Variants in DNASE1L3 observed in about 807,000 individuals in gnomAD.
DNASE1L3 encodes deoxyribonuclease gamma.
In DNASE1L3, 27 loss-of-function variants were observed where a neutral mutation model predicts 30.9. That is an observed-to-expected ratio of 0.87 (90% CI 0.64 to 1.20). The LOEUF (loss-of-function observed/expected upper bound fraction) is 1.20, where lower values mean the gene tolerates loss of function less well. DNASE1L3 is among the 50% of genes most tolerant of loss of function. DNASE1L3 has a pLI of 0.00. For missense variants in DNASE1L3, 364 were observed against 378.2 expected (o/e 0.96, Z 0.31); for synonymous variants, 135 against 138.0 (o/e 0.98, Z 0.15).
At position 58,200,959 on chromosome 3, in the gene DNASE1L3, C is replaced by T; in HGVS notation, c.546+38G>A. Reference sequence around the variant, plus strand: ...CCCACTCAGGGACCAGAGCCTGCCCCTGCTAGATGGGAATTCGTCTGACAC... The same window carrying T: ...CCCACTCAGGGACCAGAGCCTGCCCTTGCTAGATGGGAATTCGTCTGACAC... On this transcript the variant is annotated intron_variant, in intron 5 of 7. Coordinates refer to ENST00000394549, the MANE Select transcript of DNASE1L3 (RefSeq NM_004944.4). The surrounding 1 kb of genome is among the most constrained non-coding windows in gnomAD (Gnocchi z 4.2). 1.3e-6 allele frequency: 2 copies of T among 1,572,800 alleles called. No homozygotes were observed. Among genetic ancestry groups the T allele is most frequent in the Non-Finnish European group, 1.7e-6 (2 of 1,147,488 alleles).
chr3:58,208,321 A>G lies in DNASE1L3; in HGVS notation c.142-15T>C, dbSNP rs757207791. On this transcript the variant is annotated splice_polypyrimidine_tract_variant and intron_variant, in intron 1 of 7. Coordinates refer to ENST00000394549, the MANE Select transcript of DNASE1L3 (RefSeq NM_004944.4). Reference sequence around the variant, plus strand: ...CGTTTGATGACCTGCAAGAAAGAGAATTCCCAGGGGTTTGAGGTCATTTAC... The same window carrying G: ...CGTTTGATGACCTGCAAGAAAGAGAGTTCCCAGGGGTTTGAGGTCATTTAC... 3.1e-6 allele frequency: 5 copies of G among 1,614,054 alleles called. No homozygotes were observed. In the Admixed American group the frequency reaches 8.3e-5, roughly 27 times the overall value.
intron 4 of DNASE1L3, among the ~76,000 whole-genome samples, chr3:58,202,635 C>T (rs937330930): frequency 6.6e-6 from 1 of 151,868 alleles, no homozygotes; most frequent in Non-Finnish European, 1.5e-5. Context: ...TGATGGATCA[C>T]CTGAGGTCGG....
chr3:58,195,668 C>A (rs1233601821), intron 6 of DNASE1L3, among the ~76,000 whole-genome samples: 1 of 143,044 alleles, frequency 7.0e-6, no homozygotes, highest in African/African-American at 2.6e-5. Context: ...TGCCTGTAAT[C>A]CCAGCTACTT....
intron 2 of DNASE1L3, among the ~76,000 whole-genome samples, chr3:58,207,454 C>CA (rs1404118473): frequency 7.7e-4 from 22 of 28,518 alleles, no homozygotes; most frequent in Admixed American, 3.4e-4. Flanking sequence ...CCCCCCCCCC[C>CA]CACCAGAAGT....
Position 58,204,761 on chromosome 3 carries a change from G to T in DNASE1L3, c.433+8C>A. The T allele has an allele frequency of 6.2e-7, 1 of 1,613,314 alleles. No homozygotes were observed. Among genetic ancestry groups the T allele is most frequent in the Non-Finnish European group, 8.5e-7 (1 of 1,179,336 alleles). On this transcript the variant is annotated splice_region_variant and intron_variant, in intron 4 of 7. Transcript: ENST00000394549. The stretch of plus-strand genomic sequence containing the variant: ...GGTCCCAGACAGAAAGGCCTGTGTG[G>T]GTCTTACCAGTGTGGGGAGATTGGA...
At chr3:58,195,302 T>C (rs1019550403) in intron 6 of DNASE1L3, among the ~76,000 whole-genome samples, 1 of 152,220 alleles carries the variant, frequency 6.6e-6, no homozygotes, top group Non-Finnish European at 1.5e-5. Flanking sequence ...TTTTATTGTA[T>C]TGAGACAGGT....
intron 5 of DNASE1L3, among the ~76,000 whole-genome samples, chr3:58,198,330 T>C (rs1375621724): frequency 6.6e-6 from 1 of 152,156 alleles, no homozygotes; most frequent in East Asian, 1.9e-4. Context: ...TGGAAGAAGA[T>C]GGCCGTCTAC....
chr3:58,200,458 A>T lies in DNASE1L3; in HGVS notation c.546+539T>A, dbSNP rs112155219. ...AAAGGGCAACCAGGAGATAGAAAGG[A>T]AGAGACAAATCAAGCTCTGATTACC... On this transcript the variant is annotated intron_variant, in intron 5 of 7. Coordinates refer to ENST00000394549, the MANE Select transcript of DNASE1L3 (RefSeq NM_004944.4). This position sits in a 1 kb window ranked among gnomAD's most constrained non-coding sequence, Gnocchi z 4.2. Among the ~76,000 whole-genome samples, 577 of 152,312 alleles carry T rather than the reference A, an allele frequency of 3.8e-3. 6 individuals are homozygous for T. The highest frequency in any genetic ancestry group is 0.013 in the African/African-American group (551 of 41,564).
chr3:58,209,023 T>C (rs904594896), intron 1 of DNASE1L3, among the ~76,000 whole-genome samples: 2 of 152,302 alleles, frequency 1.3e-5, no homozygotes, highest in Admixed American at 6.5e-5. Flanking sequence ...GCAGATCACC[T>C]GAGGTCAGGA....
At chr3:58,210,072 G>C (rs1273182918) in intron 1 of DNASE1L3, among the ~76,000 whole-genome samples, 2 of 149,166 alleles carry the variant, frequency 1.3e-5, no homozygotes, top group African/African-American at 2.5e-5. Context: ...GGAAGGAGGA[G>C]AAGAAGAAAG....
intron 4 of DNASE1L3, among the ~76,000 whole-genome samples, chr3:58,203,050 T>C (rs558029646): frequency 6.6e-6 from 1 of 152,300 alleles, no homozygotes; most frequent in African/African-American, 2.4e-5. Flanking sequence ...CTGGCCCACC[T>C]GCTAACAGCA....
At position 58,192,421 on chromosome 3, in the gene DNASE1L3, G is replaced by A. The variant is rs1187664951; in HGVS notation, c.*266C>T. On this transcript the variant is annotated 3_prime_UTR_variant, in exon 8 of 8. Transcript: ENST00000394549. This position sits in a 1 kb window ranked among gnomAD's most constrained non-coding sequence, Gnocchi z 4.8. ...AGGGTTGAGCAGGGCCAGTGACAGT[G>A]GATGGGGCTCTGGCTCAGGGCATGA... 1.5e-5 allele frequency: 4 copies of A among 275,464 alleles called. No homozygotes were observed. The highest frequency in any genetic ancestry group is 8.8e-5 in the East Asian group (1 of 11,368). 17.1% of individuals were successfully genotyped at this position (275,464 alleles called of 1,614,324 possible).
chr3:58,200,944 G>C lies in DNASE1L3; in HGVS notation c.546+53C>G. 6.7e-7 allele frequency: 1 copy of C among 1,498,812 alleles called. No homozygotes were observed. The highest frequency in any genetic ancestry group is 9.2e-7 in the Non-Finnish European group (1 of 1,085,400). 92.8% of individuals were successfully genotyped at this position (1,498,812 alleles called of 1,614,324 possible). On this transcript the variant is annotated intron_variant, in intron 5 of 7. Coordinates refer to ENST00000394549, the MANE Select transcript of DNASE1L3 (RefSeq NM_004944.4). This position sits in a 1 kb window ranked among gnomAD's most constrained non-coding sequence, Gnocchi z 4.2. ...TGGAGAGGTACTCATCCCACTCAGG[G>C]ACCAGAGCCTGCCCCTGCTAGATGG... is the stretch of plus-strand genomic sequence containing the variant.
chr3:58,208,116 TG>T, intron 2 of DNASE1L3, 101 bp downstream of exon 2: 1 of 1,122,338 alleles, frequency 8.9e-7, no homozygotes, highest in Non-Finnish European at 1.3e-6. Context: ...TGTGAACTGG[TG>T]GTCAAGTGCG....
intron 6 of DNASE1L3, among the ~76,000 whole-genome samples, chr3:58,194,803 A>T (rs1559754861): frequency 6.8e-6 from 1 of 147,976 alleles, no homozygotes; most frequent in Admixed American, 6.7e-5. Context: ...TTTTTTTTGT[A>T]TTTTTTAGTA....
At chr3:58,208,734 A>G (rs2097405682) in intron 1 of DNASE1L3, among the ~76,000 whole-genome samples, 2 of 152,230 alleles carry the variant, frequency 1.3e-5, no homozygotes, top group South Asian at 4.1e-4. Flanking sequence ...TAATGATAAT[A>G]ATTATAAAAG....
chr3:58,205,615 A>T (rs2097403409), intron 2 of DNASE1L3, 55 bp from the exon 3 acceptor site: 1 of 1,454,928 alleles, frequency 6.9e-7, no homozygotes, highest in Admixed American at 1.7e-5. Context: ...CCCCTACTGT[A>T]CATGTTCCTT....
chr3:58,201,201 G>GTGT, intron 4 of DNASE1L3, 92 bp from the exon 5 acceptor site: 1 of 920,280 alleles, frequency 1.1e-6, no homozygotes, highest in Non-Finnish European at 1.6e-6. Context: ...CCCTCCAGAA[G>GTGT]GCACAGGCTG....
At chr3:58,195,027 G>A (rs1381434175) in intron 6 of DNASE1L3, among the ~76,000 whole-genome samples, 1 of 152,242 alleles carries the variant, frequency 6.6e-6, no homozygotes, top group Non-Finnish European at 1.5e-5. Flanking sequence ...AGAATGACAT[G>A]TTAAAGGCTC....
Sources: gnomAD v4.1 joint callset for allele counts (sites outside exome capture counted in the v4.1 genomes callset) on GRCh38, gnomAD v4.1.1 for gene constraint, Gnocchi (gnomAD v3.1) non-coding constraint, MANE v1.5 for transcripts, NCBI Gene and HGNC (gene_info 2026-07-23, HGNC 2026-07-21) for gene names.